The following ATRNL1 variants were observed in gnomAD, a reference collection of about 807,000 sequenced individuals.
The protein encoded by ATRNL1 is attractin like 1, also known as attractin-like protein 1.
In ATRNL1, 95 loss-of-function variants were observed where a neutral mutation model predicts 182.7. The observed-to-expected ratio is 0.52, with a 90% CI of 0.44 to 0.62. The LOEUF (loss-of-function observed/expected upper bound fraction) is 0.62, where lower values mean the gene tolerates loss of function less well. Among genes scored for constraint, ATRNL1 ranks in the 20% least tolerant of loss-of-function variants. The pLI, the probability that ATRNL1 is intolerant of heterozygous loss-of-function variation, is 0.00. For synonymous variants in ATRNL1, 576 were observed against 568.3 expected (o/e 1.01, Z -0.19); for missense variants, 1,471 against 1,679.5 (o/e 0.88, Z 2.17).
chr10:115,885,139 T>G (rs1951912917), intron 28 of ATRNL1, among the ~76,000 whole-genome samples: 1 of 152,232 alleles, frequency 6.6e-6, no homozygotes. Flanking sequence ...AATTAAATGA[T>G]GAACAGTGAC....
intron 28 of ATRNL1, among the ~76,000 whole-genome samples, chr10:115,887,783 A>G (rs1010744957): frequency 6.6e-6 from 1 of 150,964 alleles, no homozygotes; most frequent in Non-Finnish European, 1.5e-5. Flanking sequence ...CCCATATCTA[A>G]TTTATCACCG....
intron 27 of ATRNL1, among the ~76,000 whole-genome samples, chr10:115,760,654 A>G (rs1948712358): frequency 6.6e-6 from 1 of 152,190 alleles, no homozygotes; most frequent in South Asian, 2.1e-4. Context: ...ATAAAAAACA[A>G]TATTATTCTT....
intron 1 of ATRNL1, among the ~76,000 whole-genome samples, chr10:115,111,679 G>T (rs1469414197): frequency 6.6e-6 from 1 of 152,148 alleles, no homozygotes; most frequent in Non-Finnish European, 1.5e-5. Context: ...ACTCTTCTCA[G>T]TAGGCCTCAC....
intron 24 of ATRNL1, among the ~76,000 whole-genome samples, chr10:115,476,264 G>A (rs1554973089): frequency 6.6e-6 from 1 of 151,202 alleles, no homozygotes; most frequent in African/African-American, 2.4e-5. Context: ...TTTTCGCTAT[G>A]GTCAGAGAAA....
In ATRNL1 at chr10:115,481,110, T is replaced by C. The variant is rs114092347; in HGVS notation, c.3654+11781T>C. Among the ~76,000 whole-genome samples the C allele has an allele frequency of 6.2e-3, 933 of 150,766 alleles. 9 individuals are homozygous for C. The highest frequency in any genetic ancestry group is 0.021 in the African/African-American group (884 of 41,416). Reference sequence around the variant, plus strand: ...TTGTTAAATATTCATAATAATCCCATAGATATTTTTAGATGGTTGCCCTTG... The same window carrying C: ...TTGTTAAATATTCATAATAATCCCACAGATATTTTTAGATGGTTGCCCTTG... On this transcript the variant is annotated intron_variant, in intron 24 of 28. Transcript: ENST00000355044.
chr10:115,725,952 GTTAC>G (rs1461770496), intron 26 of ATRNL1, among the ~76,000 whole-genome samples: 1 of 151,968 alleles, frequency 6.6e-6, no homozygotes, highest in Non-Finnish European at 1.5e-5. Flanking sequence ...AAATGAATTT[GTTAC>G]TTCAAAAAAA....
intron 27 of ATRNL1, among the ~76,000 whole-genome samples, chr10:115,782,178 A>T (rs1358926067): frequency 6.6e-6 from 1 of 152,198 alleles, no homozygotes; most frequent in Non-Finnish European, 1.5e-5. Context: ...CAGAGCCCAG[A>T]TGTTCTTGAA....
chr10:115,830,084 G>T (rs903556801), intron 27 of ATRNL1, among the ~76,000 whole-genome samples: 15 of 152,210 alleles, frequency 9.9e-5, no homozygotes, highest in South Asian at 8.3e-4. Flanking sequence ...TACTGCCAAA[G>T]TCTGCAGTTC....
chr10:115,860,697 A>G (rs1951295983), intron 28 of ATRNL1, among the ~76,000 whole-genome samples: 1 of 152,166 alleles, frequency 6.6e-6, no homozygotes, highest in South Asian at 2.1e-4. Context: ...GGACAGACAG[A>G]CTGTTTCTAA....
At chr10:115,529,815 A>G (rs1851457573) in intron 25 of ATRNL1, among the ~76,000 whole-genome samples, 1 of 152,134 alleles carries the variant, frequency 6.6e-6, no homozygotes, top group African/African-American at 2.4e-5. Flanking sequence ...TTATTCTTCA[A>G]CCATTATTGC....
chr10:115,750,293 TAAA>T (rs1373791203), intron 27 of ATRNL1, among the ~76,000 whole-genome samples: 59 of 151,774 alleles, frequency 3.9e-4, no homozygotes, highest in Non-Finnish European at 8.3e-4. Flanking sequence ...GGTCTATTAA[TAAA>T]AACAGAATTA....
At chr10:115,290,928 A>G (rs1214097582) in intron 15 of ATRNL1, among the ~76,000 whole-genome samples, 3 of 152,192 alleles carry the variant, frequency 2.0e-5, no homozygotes, top group East Asian at 1.9e-4. Context: ...GGCTAGTGCC[A>G]TGTTGCCTGT....
chr10:115,834,364 A>T (rs977384017), intron 27 of ATRNL1, among the ~76,000 whole-genome samples: 2 of 151,900 alleles, frequency 1.3e-5, no homozygotes, highest in East Asian at 1.9e-4. Flanking sequence ...TATACCTGTA[A>T]TTTTTTCTGA....
At chr10:115,841,331 A>G (rs917155136) in intron 27 of ATRNL1, among the ~76,000 whole-genome samples, 2 of 152,130 alleles carry the variant, frequency 1.3e-5, no homozygotes, top group African/African-American at 2.4e-5. Flanking sequence ...TACAAAACTC[A>G]GTTAATCTAG....
chr10:115,198,089 T>G (rs1455808827), intron 8 of ATRNL1, among the ~76,000 whole-genome samples: 1 of 152,136 alleles, frequency 6.6e-6, no homozygotes, highest in Non-Finnish European at 1.5e-5. Flanking sequence ...TTTAGGAGGC[T>G]TCATATTGTT....
intron 27 of ATRNL1, among the ~76,000 whole-genome samples, chr10:115,744,354 T>C (rs1555068589): frequency 1.3e-5 from 2 of 152,134 alleles, no homozygotes; most frequent in Non-Finnish European, 2.9e-5. Flanking sequence ...TATGACATAA[T>C]TGATACTCTA....
intron 22 of ATRNL1, among the ~76,000 whole-genome samples, chr10:115,465,776 A>T (rs76217257): frequency 6.6e-6 from 1 of 151,516 alleles, no homozygotes; most frequent in Non-Finnish European, 1.5e-5. Flanking sequence ...CAATATTACT[A>T]TGTACTACTC....
chr10:115,504,718 A>C (rs1850018986), intron 24 of ATRNL1, among the ~76,000 whole-genome samples: 1 of 152,094 alleles, frequency 6.6e-6, no homozygotes, highest in South Asian at 2.1e-4. Flanking sequence ...GATTTTACTT[A>C]AGTTAAATAA....
chr10:115,821,187 G>C (rs1950287708), intron 27 of ATRNL1, among the ~76,000 whole-genome samples: 1 of 152,082 alleles, frequency 6.6e-6, no homozygotes, highest in South Asian at 2.1e-4. Flanking sequence ...AGCAGTGTGT[G>C]AACAGACTAA....
Sources: allele counts gnomAD v4.1 joint callset (sites outside exome capture counted in the v4.1 genomes callset), GRCh38; gene constraint gnomAD v4.1.1; transcripts MANE v1.5; gene names NCBI Gene and HGNC (gene_info 2026-07-23, HGNC 2026-07-21).